CAMK2B: variants seen among roughly 807,000 people sequenced by gnomAD.
CAMK2B encodes calcium/calmodulin dependent protein kinase II beta.
Under a neutral mutation model 93.7 loss-of-function variants are expected in CAMK2B, and 27 were observed. The ratio of observed to expected loss-of-function variants is 0.29; its 90% CI spans 0.21 to 0.40. The LOEUF (loss-of-function observed/expected upper bound fraction) is 0.40. Ranked by LOEUF, CAMK2B falls within the 10% of genes least tolerant of loss-of-function variation. CAMK2B has a pLI of 1.00. For missense variants in CAMK2B, 568 were observed against 895.8 expected, an observed-to-expected ratio of 0.63 and a Z score of 4.67; for synonymous variants, 374 against 358.8, an observed-to-expected ratio of 1.04 and a Z score of -0.48.
chr7:44,291,144 T>C (rs79403905), intron 1 of CAMK2B, among the ~76,000 whole-genome samples: 12,234 of 152,280 alleles, frequency 0.08, 652 homozygotes, highest in Non-Finnish European at 0.11. Context: ...TCTTTGCTCA[T>C]GGATACTGTC....
In CAMK2B at chr7:44,239,554, G is replaced by A. The variant is rs76273117; in HGVS notation, c.1021+35C>T. The A allele has an allele frequency of 6.2e-4, 942 of 1,517,686 alleles. 14 individuals are homozygous for A. In the East Asian group the frequency reaches 0.016, roughly 25 times the overall value. 94.0% of individuals were successfully genotyped at this position (1,517,686 alleles called of 1,614,324 possible). On this transcript the variant is annotated intron_variant, in intron 13 of 23. Transcript: ENST00000395749. ...CTGCATGCTGGCAGGAGGGACGGGC[G>A]GGAGCGGGCGGGACGCTGGTCGAGA...
At chr7:44,255,178 G>A (rs528455021) in intron 4 of CAMK2B, among the ~76,000 whole-genome samples, 1 of 152,146 alleles carries the variant, frequency 6.6e-6, no homozygotes, top group Non-Finnish European at 1.5e-5. Flanking sequence ...TGAGGTGTTC[G>A]AGGTCCCATC....
chr7:44,291,211 G>A (rs1563041197), intron 1 of CAMK2B, among the ~76,000 whole-genome samples: 1 of 152,130 alleles, frequency 6.6e-6, no homozygotes, highest in Admixed American at 6.5e-5. Context: ...CTGGGGTTCC[G>A]CCAAGTGGGG....
chr7:44,253,909 T>G (rs550404608), intron 5 of CAMK2B, among the ~76,000 whole-genome samples: 2 of 147,622 alleles, frequency 1.4e-5, no homozygotes, highest in East Asian at 1.9e-4. Flanking sequence ...CAGTTTTTTT[T>G]TTTTTTTTTT....
chr7:44,281,598 A>G (rs1301055858), intron 2 of CAMK2B, among the ~76,000 whole-genome samples: 1 of 152,114 alleles, frequency 6.6e-6, no homozygotes, highest in Non-Finnish European at 1.5e-5. Flanking sequence ...CGGCATCAGC[A>G]GCTTCCTGCC....
rs867389105 is a variant in CAMK2B, at chr7:44,220,120, C to T, written c.1943G>A (p.Gly648Asp). Residue 648 changes from glycine (G) to aspartate (D), a missense_variant, in exon 23 of 24, where the codon GGC becomes GAC. Transcript: ENST00000395749. ...GTGGAAGTGCACGTTCTGCCACTTG[C>T]CGTCGCGGCGGTGCCACACGCGGGT... ...EETRVWHRRDGKWQNVHFHCS... is the reference protein window; with the variant it reads ...EETRVWHRRDDKWQNVHFHCS... The T allele has an allele frequency of 1.2e-6, 2 of 1,611,042 alleles. No individual in the cohort carries two copies. Among genetic ancestry groups the T allele is most frequent in the South Asian group, 1.1e-5 (1 of 90,926 alleles).
intron 6 of CAMK2B, among the ~76,000 whole-genome samples, chr7:44,246,315 A>G (rs2096729095): frequency 6.6e-6 from 1 of 152,012 alleles, no homozygotes; most frequent in East Asian, 1.9e-4. Context: ...GTGCGGTGTA[A>G]TAGGCTGATT....
rs188566184 is a variant in CAMK2B at position 44,258,215 on chromosome 7, A to G, written c.275+657T>C. Among the ~76,000 whole-genome samples the G allele has an allele frequency of 1.7e-4, 26 of 152,368 alleles. 1 individual carries two copies. In the East Asian group the frequency reaches 4.2e-3, roughly 25 times the overall value. ...ACACGCACTCATGAAACACTCACACATGCACATTCATGCAAACACACACAT... is the reference window on the plus strand; with the variant it reads ...ACACGCACTCATGAAACACTCACACGTGCACATTCATGCAAACACACACAT... On this transcript the variant is annotated intron_variant, in intron 4 of 23. Coordinates refer to ENST00000395749, the MANE Select transcript of CAMK2B (RefSeq NM_001220.5).
chr7:44,273,049 C>T (rs952042244), intron 2 of CAMK2B, among the ~76,000 whole-genome samples: 3 of 152,230 alleles, frequency 2.0e-5, no homozygotes, highest in Non-Finnish European at 4.4e-5. Flanking sequence ...GCTTCATGTC[C>T]CCCACCGGAC....
chr7:44,226,706 C>T, intron 19 of CAMK2B, 62 bp from the exon 20 acceptor site: 1 of 1,447,286 alleles, frequency 6.9e-7, no homozygotes, highest in Non-Finnish European at 9.1e-7. Context: ...AGGAGAGAAA[C>T]CATGGGCAGA....
At chr7:44,260,393 C>T (rs1562939742) in intron 3 of CAMK2B, among the ~76,000 whole-genome samples, 1 of 152,230 alleles carries the variant, frequency 6.6e-6, no homozygotes, top group Middle Eastern at 3.4e-3. Flanking sequence ...ATACCAATGG[C>T]CCTCCTTAGC....
At chr7:44,263,617 G>C (rs545448478) in intron 2 of CAMK2B, among the ~76,000 whole-genome samples, 2 of 152,126 alleles carry the variant, frequency 1.3e-5, no homozygotes, top group African/African-American at 2.4e-5. Flanking sequence ...CACAAGGTGC[G>C]GGGCCCAGAT....
chr7:44,316,250 T>C (rs574227855), intron 1 of CAMK2B, among the ~76,000 whole-genome samples: 1 of 152,228 alleles, frequency 6.6e-6, no homozygotes, highest in Non-Finnish European at 1.5e-5. Flanking sequence ...GGTTTTTTTT[T>C]AAATGCTTTT....
intron 1 of CAMK2B, among the ~76,000 whole-genome samples, chr7:44,310,479 G>T (rs1215443325): frequency 6.6e-6 from 1 of 152,240 alleles, no homozygotes; most frequent in Non-Finnish European, 1.5e-5. Context: ...ATGCGCGGTG[G>T]GAGGGGGCCA....
intron 16 of CAMK2B, 78 bp from the exon 17 acceptor site, chr7:44,231,132 CTGGG>C: frequency 3.2e-6 from 3 of 949,904 alleles, no homozygotes; most frequent in Non-Finnish European, 4.6e-6. Context: ...GTGGACAGGG[CTGGG>C]CCTGTGTCAG....
At chr7:44,270,086 T>C (rs1302589030) in intron 2 of CAMK2B, among the ~76,000 whole-genome samples, 2 of 143,982 alleles carry the variant, frequency 1.4e-5, no homozygotes, top group Non-Finnish European at 3.1e-5. Flanking sequence ...CCCCCCCCCA[T>C]TCCAGGCAGC....
At chr7:44,254,505 G>A in intron 5 of CAMK2B, 37 bp downstream of exon 5, 3 of 1,504,822 alleles carry the variant, frequency 2.0e-6, no homozygotes, top group Non-Finnish European at 2.8e-6. Flanking sequence ...GGGTATAAAG[G>A]AAGAGGGACA....
intron 18 of CAMK2B, 94 bp from the exon 19 acceptor site, chr7:44,229,018 T>C: frequency 8.3e-7 from 1 of 1,203,676 alleles, no homozygotes; most frequent in Non-Finnish European, 1.2e-6. Context: ...TCCCGTGTTC[T>C]AGACCCCTTG....
chr7:44,265,644 G>A (rs933473485), intron 2 of CAMK2B, among the ~76,000 whole-genome samples: 45 of 152,162 alleles, frequency 3.0e-4, no homozygotes, highest in Admixed American at 7.2e-4. Context: ...CTGAAACATC[G>A]CCAAGAGCTG....
Sources: allele counts gnomAD v4.1 joint callset (sites outside exome capture counted in the v4.1 genomes callset), GRCh38; gene constraint gnomAD v4.1.1; transcripts MANE v1.5; gene names NCBI Gene and HGNC (gene_info 2026-07-23, HGNC 2026-07-21).